SMARCA2: variants seen among roughly 807,000 people sequenced by gnomAD.
SMARCA2 encodes the protein SWI/SNF-related matrix-associated actin-dependent regulator of chromatin subfamily A member 2.
Under a neutral mutation model 199.8 loss-of-function variants are expected in SMARCA2, and 61 were observed. That is an observed-to-expected ratio of 0.31 (90% CI 0.25 to 0.38). SMARCA2 has a LOEUF of 0.38. Among genes scored for constraint, SMARCA2 ranks in the 10% least tolerant of loss-of-function variants. The pLI is 1.00. For missense variants in SMARCA2, 1,344 were observed against 2,012.2 expected (o/e 0.67, Z 6.35); for synonymous variants, 935 against 732.0 (o/e 1.28, Z -4.48).
At chr9:2,149,212 A>G (rs577911627) in intron 27 of SMARCA2, among the ~76,000 whole-genome samples, 7 of 151,290 alleles carry the variant, frequency 4.6e-5, no homozygotes, top group Non-Finnish European at 7.4e-5. Context: ...AGAAAATGAG[A>G]GAGATGCAAA....
At chr9:2,092,739 T>C (rs1461331590) in intron 19 of SMARCA2, among the ~76,000 whole-genome samples, 1 of 152,172 alleles carries the variant, frequency 6.6e-6, no homozygotes, top group Non-Finnish European at 1.5e-5. Flanking sequence ...CACCTCAGTT[T>C]TACATATGAT....
intron 27 of SMARCA2, among the ~76,000 whole-genome samples, chr9:2,155,720 C>CTTTTTTTTTTT (rs59156319): frequency 1.5e-4 from 8 of 53,190 alleles, no homozygotes; most frequent in East Asian, 7.6e-4. Context: ...AAGAGAAAAC[C>CTTTTTTTTTTT]TTTTTTTTTT....
At chr9:2,109,324 A>G (rs1337200846) in intron 23 of SMARCA2, among the ~76,000 whole-genome samples, 1 of 152,142 alleles carries the variant, frequency 6.6e-6, no homozygotes, top group Non-Finnish European at 1.5e-5. Flanking sequence ...TTCAGATGGA[A>G]TACTGGTGTT....
intron 25 of SMARCA2, among the ~76,000 whole-genome samples, chr9:2,117,113 A>G (rs1823247078): frequency 6.6e-6 from 1 of 152,186 alleles, no homozygotes; most frequent in South Asian, 2.1e-4. Context: ...GGAGTACTGA[A>G]TGTGCATCCC....
intron 27 of SMARCA2, among the ~76,000 whole-genome samples, chr9:2,153,827 T>TGA (rs1290189462): frequency 2.7e-5 from 4 of 149,974 alleles, no homozygotes; most frequent in South Asian, 2.1e-4. Context: ...TGTGTGTGTG[T>TGA]GAGAGAGAGA....
chr9:2,145,497 G>T (rs1359139911), intron 27 of SMARCA2, among the ~76,000 whole-genome samples: 1 of 152,120 alleles, frequency 6.6e-6, no homozygotes, highest in Non-Finnish European at 1.5e-5. Context: ...GAATTTTATT[G>T]TGTGGTCAGG....
At chr9:2,158,885 G>C in intron 27 of SMARCA2, 6 of 1,565,882 alleles carry the variant, frequency 3.8e-6, no homozygotes, top group Non-Finnish European at 5.2e-6. Flanking sequence ...ATAAAGCACT[G>C]CATATGGATG....
intron 29 of SMARCA2, among the ~76,000 whole-genome samples, chr9:2,180,839 T>G (rs1826971535): frequency 6.6e-6 from 1 of 152,092 alleles, no homozygotes; most frequent in Non-Finnish European, 1.5e-5. Flanking sequence ...AAACTTACCA[T>G]GAATTTGGGG....
intron 21 of SMARCA2, 60 bp from the exon 22 acceptor site, chr9:2,101,510 A>G (rs139865116): frequency 2.3e-6 from 2 of 874,898 alleles, no homozygotes; most frequent in Non-Finnish European, 3.5e-6. Context: ...CTAAAAGAGT[A>G]ATCATTAAGT....
At chr9:2,018,323 T>C (rs536653019) in intron 1 of SMARCA2, among the ~76,000 whole-genome samples, 2 of 152,214 alleles carry the variant, frequency 1.3e-5, no homozygotes, top group African/African-American at 4.8e-5. Flanking sequence ...CCTTTGTTTA[T>C]ATAACTTTTG....
At chr9:2,030,351 G>C (rs1251465408) in intron 2 of SMARCA2, among the ~76,000 whole-genome samples, 2 of 152,048 alleles carry the variant, frequency 1.3e-5, no homozygotes, top group Admixed American at 1.3e-4. Flanking sequence ...CTGAGAACCA[G>C]GAGTTCCAGG....
In SMARCA2 at chr9:2,151,064, C is replaced by A. The variant is rs7858394; in HGVS notation, c.3982-10622C>A. On this transcript the variant is annotated intron_variant, in intron 27 of 33. Coordinates refer to ENST00000349721, the MANE Select transcript of SMARCA2 (RefSeq NM_003070.5). ...CCCATAACACTATAGTATAGCAATT[C>A]CGAGTCACTGCACATAAAACACAGA... Among the ~76,000 whole-genome samples the A allele has an allele frequency of 4.0e-5, 6 of 150,880 alleles. No homozygotes were observed. The East Asian group carries it at 9.7e-4, about 24-fold the overall frequency.
rs566259076 is a variant in SMARCA2 at position 2,178,779 on chromosome 9, G to C, written c.4254-2792G>C. Among the ~76,000 whole-genome samples, 11 of 151,936 alleles carry C rather than the reference G, an allele frequency of 7.2e-5. No individual in the cohort carries two copies. In the East Asian group the frequency reaches 9.6e-4, roughly 13 times the overall value. On this transcript the variant is annotated intron_variant, in intron 29 of 33. Coordinates refer to ENST00000349721, the MANE Select transcript of SMARCA2 (RefSeq NM_003070.5). ...AAATAAATTACTCCAGCAAGTGTTC[G>C]TGCTACCTCAAGGTATTCTATAGGT...
At chr9:2,073,784 G>A (rs950520179) in intron 12 of SMARCA2, among the ~76,000 whole-genome samples, 161 bp downstream of exon 12, 2 of 152,162 alleles carry the variant, frequency 1.3e-5, no homozygotes, top group Non-Finnish European at 2.9e-5. Context: ...ATGCTTTGAT[G>A]GTGTATGCCT....
intron 9 of SMARCA2, chr9:2,069,127 AG>A (rs201239176): frequency 0.086 from 13,005 of 150,816 alleles, 650 homozygotes; most frequent in East Asian, 0.24. Context: ...CGTGTTAGCC[AG>A]GATGGTCTCG....
At chr9:2,179,040 G>C (rs551394013) in intron 29 of SMARCA2, among the ~76,000 whole-genome samples, 1 of 152,214 alleles carries the variant, frequency 6.6e-6, no homozygotes, top group Non-Finnish European at 1.5e-5. Context: ...TGGACAATGG[G>C]TTCTTGGTCC....
chr9:2,133,559 A>G (rs1321791987), intron 27 of SMARCA2, among the ~76,000 whole-genome samples: 2 of 152,002 alleles, frequency 1.3e-5, no homozygotes, highest in African/African-American at 4.8e-5. Flanking sequence ...TTGTGGTTAC[A>G]GGAATGAGCC....
intron 10 of SMARCA2, among the ~76,000 whole-genome samples, chr9:2,072,346 C>T (rs1586673828): frequency 6.6e-6 from 1 of 152,206 alleles, no homozygotes; most frequent in African/African-American, 2.4e-5. Context: ...CAGGAGCAGT[C>T]ATTCGTTACT....
At chr9:2,116,195 A>C in intron 25 of SMARCA2, 146 bp downstream of exon 25, 2 of 658,640 alleles carry the variant, frequency 3.0e-6, no homozygotes, top group Non-Finnish European at 5.3e-6. Context: ...TCCCAACCAC[A>C]GAAAGCCTGT....
Sources: gnomAD v4.1 joint callset for allele counts (sites outside exome capture counted in the v4.1 genomes callset) on GRCh38, gnomAD v4.1.1 for gene constraint, MANE v1.5 for transcripts, NCBI Gene and HGNC (gene_info 2026-07-23, HGNC 2026-07-21) for gene names.